TMOD3: variants seen among roughly 807,000 people sequenced by gnomAD.
TMOD3 encodes tropomodulin-3.
TMOD3 carries 20 observed loss-of-function variants against 39.2 expected under a neutral mutation model. The observed-to-expected ratio is 0.51, with a 90% CI of 0.36 to 0.74. The LOEUF (loss-of-function observed/expected upper bound fraction) is 0.74. TMOD3 is among the 30% of genes least tolerant of loss of function. The pLI is 0.00. For missense variants in TMOD3, 381 were observed against 412.8 expected (o/e 0.92, Z 0.67); for synonymous variants, 143 against 145.8 (o/e 0.98, Z 0.14).
intron 1 of TMOD3, among the ~76,000 whole-genome samples, chr15:51,834,712 T>TC (rs1002945571): frequency 2.6e-5 from 4 of 151,996 alleles, no homozygotes; most frequent in African/African-American, 9.7e-5. Flanking sequence ...GCACCTATAA[T>TC]CCCAGCTACT....
At chr15:51,858,517 C>T (rs541001988) in intron 1 of TMOD3, among the ~76,000 whole-genome samples, 1 of 151,686 alleles carries the variant, frequency 6.6e-6, no homozygotes, top group South Asian at 2.1e-4. Flanking sequence ...GGCAGTTACA[C>T]AAGTTGCCTG....
intron 1 of TMOD3, among the ~76,000 whole-genome samples, chr15:51,849,199 C>T (rs1485033589): frequency 6.6e-6 from 1 of 152,160 alleles, no homozygotes; most frequent in African/African-American, 2.4e-5. Flanking sequence ...TCAAAGTTGA[C>T]TCCAAGATTT....
intron 1 of TMOD3, among the ~76,000 whole-genome samples, chr15:51,861,950 AG>A (rs1370660808): frequency 2.0e-5 from 3 of 152,140 alleles, no homozygotes; most frequent in African/African-American, 7.2e-5. Flanking sequence ...GCCCAGTACT[AG>A]GTATATTTTA....
At chr15:51,886,973 C>T (rs2056567800) in intron 3 of TMOD3, among the ~76,000 whole-genome samples, 1 of 152,034 alleles carries the variant, frequency 6.6e-6, no homozygotes, top group Admixed American at 6.6e-5. Flanking sequence ...AATCCTAGCA[C>T]TTTGGGAGGC....
chr15:51,844,587 T>C (rs563961481), intron 1 of TMOD3, among the ~76,000 whole-genome samples: 1 of 152,328 alleles, frequency 6.6e-6, no homozygotes, highest in South Asian at 2.1e-4. Context: ...TTAAATACTG[T>C]TAAATTTATT....
chr15:51,897,489 T>A (rs1345590770), intron 7 of TMOD3, among the ~76,000 whole-genome samples: 2 of 147,158 alleles, frequency 1.4e-5, no homozygotes, highest in Admixed American at 6.7e-5. Flanking sequence ...AAAATTTTTT[T>A]TTTTTTTTTT....
At position 51,902,798 on chromosome 15, in the gene TMOD3, C is replaced by T. The variant is rs1001158724; in HGVS notation, c.1024+762C>T. Reference sequence around the variant, plus strand: ...CTGAGTAGCTGGGGCTACAGGCGCCCGCCACCTCGCCCGGCTAATTTTTTT... The same window carrying T: ...CTGAGTAGCTGGGGCTACAGGCGCCTGCCACCTCGCCCGGCTAATTTTTTT... On this transcript the variant is annotated intron_variant, in intron 9 of 9. Coordinates refer to ENST00000308580, the MANE Select transcript of TMOD3 (RefSeq NM_014547.5). 6.6e-5 allele frequency among the ~76,000 whole-genome samples: 10 copies of T among 151,998 alleles called. No homozygotes were observed. In the East Asian group the frequency reaches 7.7e-4, roughly 12 times the overall value.
intron 5 of TMOD3, among the ~76,000 whole-genome samples, chr15:51,889,769 G>C (rs2056583051): frequency 2.6e-5 from 4 of 152,150 alleles, no homozygotes; most frequent in Admixed American, 2.0e-4. Context: ...GGGAGGCTGA[G>C]GGGAGGATGG....
chr15:51,875,718 C>A (rs185662174), intron 3 of TMOD3, among the ~76,000 whole-genome samples: 2 of 150,284 alleles, frequency 1.3e-5, no homozygotes, highest in South Asian at 4.2e-4. Flanking sequence ...TGGGTTCATG[C>A]CATTCACCTG....
intron 2 of TMOD3, among the ~76,000 whole-genome samples, chr15:51,863,861 A>C (rs2056431407): frequency 6.6e-6 from 1 of 152,220 alleles, no homozygotes; most frequent in African/African-American, 2.4e-5. Context: ...AAAAGTTCCC[A>C]GTACATCTGA....
intron 2 of TMOD3, among the ~76,000 whole-genome samples, chr15:51,866,721 T>G (rs1049141543): frequency 3.3e-5 from 5 of 152,158 alleles, no homozygotes; most frequent in Non-Finnish European, 7.4e-5. Flanking sequence ...AATCTTTCTT[T>G]AAAAGCATTC....
chr15:51,902,502 C>T (rs923415333), intron 9 of TMOD3, among the ~76,000 whole-genome samples: 2 of 152,052 alleles, frequency 1.3e-5, no homozygotes, highest in Non-Finnish European at 2.9e-5. Flanking sequence ...GACGGAGCCT[C>T]GCTGTGTTGC....
chr15:51,863,089 A>T, intron 2 of TMOD3, 79 bp downstream of exon 2: 2 of 1,464,780 alleles, frequency 1.4e-6, no homozygotes, highest in Non-Finnish European at 9.3e-7. Flanking sequence ...GAGCTTTTCC[A>T]TGACTTTTCT....
chr15:51,887,441 T>TA, intron 3 of TMOD3, 148 bp from the exon 4 acceptor site: 3 of 861,216 alleles, frequency 3.5e-6, no homozygotes, highest in Non-Finnish European at 5.2e-6. Context: ...GCTGGAAACT[T>TA]AAAAATCTAT....
chr15:51,881,691 A>T (rs1188827674), intron 3 of TMOD3, among the ~76,000 whole-genome samples: 1 of 146,506 alleles, frequency 6.8e-6, no homozygotes, highest in Admixed American at 7.0e-5. Flanking sequence ...CCTCCTGAGT[A>T]GCTGGGATTA....
At chr15:51,892,454 A>C (rs1421519295) in intron 5 of TMOD3, 1 of 152,204 alleles carries the variant, frequency 6.6e-6, no homozygotes, top group Non-Finnish European at 1.5e-5. Flanking sequence ...TTCACATCTG[A>C]AGCATCATAT....
At chr15:51,896,548 A>G (rs2056621912) in intron 7 of TMOD3, 22 bp downstream of exon 7, 8 of 1,567,944 alleles carry the variant, frequency 5.1e-6, no homozygotes, top group Non-Finnish European at 7.0e-6. Context: ...ACTTGAGAAT[A>G]TCAAAATTAT....
intron 3 of TMOD3, among the ~76,000 whole-genome samples, chr15:51,879,439 G>C (rs1441600639): frequency 6.6e-6 from 1 of 151,552 alleles, no homozygotes; most frequent in Non-Finnish European, 1.5e-5. Context: ...AAAAATTTGA[G>C]TTTTGGATTT....
intron 1 of TMOD3, among the ~76,000 whole-genome samples, chr15:51,833,663 T>G (rs1803740906): frequency 6.6e-6 from 1 of 152,222 alleles, no homozygotes; most frequent in African/African-American, 2.4e-5. Flanking sequence ...TAAGAAAGAT[T>G]CATCTATGTT....
Sources: gnomAD v4.1 joint callset for allele counts (sites outside exome capture counted in the v4.1 genomes callset) on GRCh38, gnomAD v4.1.1 for gene constraint, MANE v1.5 for transcripts, NCBI Gene and HGNC (gene_info 2026-07-23, HGNC 2026-07-21) for gene names.